The following CUX1 variants were observed in gnomAD, a reference collection of about 807,000 sequenced individuals.
CUX1 encodes cut like homeobox 1.
In CUX1, 31 loss-of-function variants were observed where a neutral mutation model predicts 158.8. The observed-to-expected ratio is 0.20, with a 90% CI of 0.15 to 0.26. The LOEUF is 0.26. Among genes scored for constraint, CUX1 ranks in the 10% least tolerant of loss-of-function variants. CUX1 has a pLI of 1.00. For synonymous variants in CUX1, 879 were observed against 862.1 expected, an observed-to-expected ratio of 1.02 and a Z score of -0.34; for missense variants, 1,589 against 2,014.6, an observed-to-expected ratio of 0.79 and a Z score of 4.04.
At chr7:102,138,572 C>A (rs1169295954) in intron 8 of CUX1, among the ~76,000 whole-genome samples, 1 of 152,152 alleles carries the variant, frequency 6.6e-6, no homozygotes, top group African/African-American at 2.4e-5. Context: ...ATTTTCTTAT[C>A]AAACTGTACT....
intron 1 of CUX1, 129 bp from the exon 2 acceptor site, chr7:101,915,986 C>G (rs1472640638): frequency 1.5e-6 from 1 of 678,416 alleles, no homozygotes; most frequent in East Asian, 2.6e-5. Context: ...CCCTCCTCTG[C>G]CAATGAGTTG....
intron 3 of CUX1, among the ~76,000 whole-genome samples, chr7:102,060,645 T>G (rs1356233828): frequency 2.1e-5 from 1 of 47,524 alleles, no homozygotes; most frequent in Admixed American, 2.1e-4. Context: ...ACACACACAC[T>G]TTGCTGCCCA....
At chr7:101,890,781 C>G (rs1383850668) in intron 1 of CUX1, among the ~76,000 whole-genome samples, 2 of 152,124 alleles carry the variant, frequency 1.3e-5, no homozygotes, top group African/African-American at 4.8e-5. Context: ...ATGAATTGGG[C>G]AAGTTAACCT....
intron 8 of CUX1, among the ~76,000 whole-genome samples, chr7:102,121,075 T>C (rs1213064315): frequency 3.9e-5 from 6 of 152,198 alleles, no homozygotes; most frequent in Middle Eastern, 3.4e-3. Context: ...AAAATAATAA[T>C]AATAATTTTT....
chr7:102,168,547 G>A (rs555287919), intron 9 of CUX1, among the ~76,000 whole-genome samples: 5 of 151,194 alleles, frequency 3.3e-5, no homozygotes, highest in African/African-American at 9.8e-5. Flanking sequence ...AGGAGGCTGA[G>A]GCAGGAGAAT....
chr7:102,015,807 G>A (rs538888182), intron 2 of CUX1, among the ~76,000 whole-genome samples: 2 of 152,108 alleles, frequency 1.3e-5, no homozygotes, highest in South Asian at 2.1e-4. Context: ...GGTCAGGTCT[G>A]CCTCTTTTTT....
chr7:101,912,419 C>T (rs926091824), intron 1 of CUX1, among the ~76,000 whole-genome samples: 4 of 152,278 alleles, frequency 2.6e-5, no homozygotes, highest in East Asian at 1.9e-4. Context: ...CAGACCGTAA[C>T]GCAGAGGCTC....
chr7:102,087,937 G>A (rs1828118724), intron 4 of CUX1, among the ~76,000 whole-genome samples: 1 of 151,740 alleles, frequency 6.6e-6, no homozygotes, highest in Admixed American at 6.6e-5. Context: ...TTATGATATA[G>A]GCACACTGGC....
rs554548619 is a variant in CUX1, at chr7:102,235,802, G to A, written c.3622+1562G>A. Among the ~76,000 whole-genome samples, 87 of 117,238 alleles carry A rather than the reference G, an allele frequency of 7.4e-4. 2 individuals are homozygous for A. In the East Asian group the frequency reaches 0.015, roughly 21 times the overall value. The allele number at this position is 117,238 out of a possible 152,430, so 76.9% of individuals were successfully genotyped here. Reference sequence around the variant, plus strand: ...GCCACACACACACACACACACACGCGCACACAACATCTGAGCCAGGGGTGG... The same window carrying A: ...GCCACACACACACACACACACACGCACACACAACATCTGAGCCAGGGGTGG... On this transcript the variant is annotated intron_variant, in intron 22 of 23. Transcript: ENST00000292535.
At chr7:102,200,518 T>C (rs1373251543) in intron 17 of CUX1, among the ~76,000 whole-genome samples, 1 of 152,086 alleles carries the variant, frequency 6.6e-6, no homozygotes, top group African/African-American at 2.4e-5. Context: ...TATTTGTGTT[T>C]TTAGTAGAGA....
chr7:101,987,551 G>A (rs941113458), intron 2 of CUX1, among the ~76,000 whole-genome samples: 2 of 152,206 alleles, frequency 1.3e-5, no homozygotes, highest in African/African-American at 2.4e-5. Context: ...CCTTGACCCC[G>A]GTGACTCCGT....
intron 20 of CUX1, among the ~76,000 whole-genome samples, chr7:102,210,615 G>A (rs782240251): frequency 8.5e-5 from 13 of 152,232 alleles, no homozygotes; most frequent in Non-Finnish European, 1.8e-4. Context: ...TATCCAGGTG[G>A]AAGGATGGTC....
chr7:102,028,256 T>A lies in CUX1; in HGVS notation c.189+111T>A, dbSNP rs1820280227. ...AAAAGGTGCTGCCCAGATGGTGCCT[T>A]CCCGGCTGCTCCGACCCAGCGTCAT... On this transcript the variant is annotated intron_variant, in intron 3 of 23. Transcript: ENST00000292535. 2.8e-6 allele frequency: 3 copies of A among 1,090,326 alleles called. No individual in the cohort carries two copies. In the Admixed American group the frequency reaches 6.4e-5, roughly 23 times the overall value. 67.5% of individuals were successfully genotyped at this position (1,090,326 alleles called of 1,614,324 possible). A position where few individuals can be genotyped will look rare whatever the true frequency, so the allele number is the denominator to read the frequency against.
At chr7:102,171,321 C>T (rs1461225050) in intron 10 of CUX1, among the ~76,000 whole-genome samples, 1 of 151,716 alleles carries the variant, frequency 6.6e-6, no homozygotes, top group Non-Finnish European at 1.5e-5. Flanking sequence ...GGGGTTGGTG[C>T]GAAAGTTATT....
chr7:101,859,092 T>C (rs1797176871), intron 1 of CUX1, among the ~76,000 whole-genome samples: 1 of 152,206 alleles, frequency 6.6e-6, no homozygotes, highest in South Asian at 2.1e-4. Flanking sequence ...TTGGAAACTC[T>C]AGCTCGACTT....
intron 6 of CUX1, among the ~76,000 whole-genome samples, chr7:102,109,331 G>T (rs1203601516): frequency 6.6e-6 from 1 of 152,168 alleles, no homozygotes; most frequent in East Asian, 1.9e-4. Context: ...AAGTAGGCAT[G>T]TCATACAAAG....
At chr7:102,093,533 C>T (rs1459949630) in intron 4 of CUX1, among the ~76,000 whole-genome samples, 3 of 152,120 alleles carry the variant, frequency 2.0e-5, no homozygotes, top group African/African-American at 4.8e-5. Context: ...GTTTGCCTGG[C>T]GGGCTTCTTT....
intron 3 of CUX1, among the ~76,000 whole-genome samples, chr7:102,068,887 A>G (rs985454855): frequency 6.6e-6 from 1 of 152,220 alleles, no homozygotes; most frequent in Non-Finnish European, 1.5e-5. Context: ...CAGTCCAACC[A>G]TGGCAGGCTC....
At chr7:101,845,570 T>C (rs1028719111) in intron 1 of CUX1, among the ~76,000 whole-genome samples, 1 of 152,202 alleles carries the variant, frequency 6.6e-6, no homozygotes, top group Admixed American at 6.5e-5. Flanking sequence ...GGAGGCTGGC[T>C]AGATAGGCTT....
Sources: gnomAD v4.1 joint callset for allele counts (sites outside exome capture counted in the v4.1 genomes callset) on GRCh38, gnomAD v4.1.1 for gene constraint, MANE v1.5 for transcripts, NCBI Gene and HGNC (gene_info 2026-07-23, HGNC 2026-07-21) for gene names.